Variants in TBC1D15 observed in about 807,000 individuals in gnomAD.
TBC1D15 encodes the protein TBC1 domain family member 15, also known as GAP for RAB7.
In TBC1D15, 39 loss-of-function variants were observed where a neutral mutation model predicts 95.4. The observed-to-expected ratio is 0.41, with a 90% confidence interval of 0.32 to 0.53. The LOEUF is 0.53. Among genes scored for constraint, TBC1D15 ranks in the 20% least tolerant of loss-of-function variants. The pLI is 0.29. For missense variants in TBC1D15, 733 were observed against 794.3 expected (o/e 0.92, Z 0.93); for synonymous variants, 258 against 261.3 (o/e 0.99, Z 0.12).
chr12:71,843,593 G>C (rs1028050784), intron 1 of TBC1D15, among the ~76,000 whole-genome samples: 1 of 152,002 alleles, frequency 6.6e-6, no homozygotes, highest in Non-Finnish European at 1.5e-5. Context: ...TACCTCCTAT[G>C]TGCTGAGTTC....
chr12:71,850,125 C>T, intron 1 of TBC1D15: 2 of 528,128 alleles, frequency 3.8e-6, no homozygotes, highest in South Asian at 3.3e-5. Flanking sequence ...TCTCAGCTTT[C>T]AAATACTCCA....
intron 14 of TBC1D15, among the ~76,000 whole-genome samples, chr12:71,920,247 A>G (rs567630790): frequency 7.2e-5 from 11 of 152,308 alleles, no homozygotes; most frequent in South Asian, 4.1e-4. Flanking sequence ...AAAATGTGAT[A>G]CAAGGGTTTT....
intron 14 of TBC1D15, among the ~76,000 whole-genome samples, chr12:71,919,201 C>CTTTTTT (rs34109729): frequency 7.6e-6 from 1 of 131,470 alleles, no homozygotes; most frequent in Non-Finnish European, 1.6e-5. Context: ...AATCAGTGTG[C>CTTTTTT]TTTTTTTTTT....
Position 71,872,237 on chromosome 12 carries a change from AGAAAGTTT to A in TBC1D15, c.129+73_129+80del, listed in dbSNP as rs1246115378. On this transcript the variant is annotated intron_variant, in intron 2 of 16. Coordinates refer to ENST00000485960, the MANE Select transcript of TBC1D15 (RefSeq NM_001146213.3). ...AGTGATTCATCTTTGGAGAATTATC[AGAAAGTTT>A]GAATTTCATGTGTAAGATACAATTA... 3.3e-6 allele frequency: 3 copies of A among 917,686 alleles called. No homozygotes were observed. The African/African-American group carries it at 5.2e-5, about 16-fold the overall frequency. 56.8% of individuals were successfully genotyped at this position (917,686 alleles called of 1,614,324 possible). A position where few individuals can be genotyped will look rare whatever the true frequency, so the allele number is the denominator to read the frequency against.
At chr12:71,874,136 G>T (rs1893265104) in intron 3 of TBC1D15, among the ~76,000 whole-genome samples, 1 of 152,090 alleles carries the variant, frequency 6.6e-6, no homozygotes, top group Non-Finnish European at 1.5e-5. Flanking sequence ...CATTAGGTTG[G>T]TGCAAAGGTA....
intron 1 of TBC1D15, among the ~76,000 whole-genome samples, chr12:71,841,768 G>C (rs1885068174): frequency 6.6e-6 from 1 of 151,994 alleles, no homozygotes; most frequent in African/African-American, 2.4e-5. Context: ...ACCACCACTG[G>C]AGTTATTTTT....
chr12:71,920,777 G>C lies in TBC1D15; in HGVS notation c.1646G>C (p.Cys549Ser), dbSNP rs376818317. The change falls in exon 15 of 17, where the codon TGT (cysteine) becomes TCT (serine). Residue 549 changes from cysteine to serine, a missense_variant. Coordinates refer to ENST00000485960, the MANE Select transcript of TBC1D15 (RefSeq NM_001146213.3). The stretch of plus-strand genomic sequence containing the variant: ...TGTACAAATTTCCATCTTCTTCTCT[G>C]TTGTGCTATTCTGGAATCAGAAAAG... ...LPCTNFHLLL[C>S]CAILESEKQQ... is the part of the protein sequence containing the mutation. 121 of 1,612,910 alleles carry C rather than the reference G, an allele frequency of 7.5e-5. No individual in the cohort carries two copies. The highest frequency in any genetic ancestry group is 1.6e-4 in the Middle Eastern group (1 of 6,078).
In TBC1D15 at chr12:71,896,043, G is replaced by A. The variant is rs1262229147; in HGVS notation, c.952G>A (p.Val318Ile). ...NIDSEGRILN[V>I]DNMKQMIFRG... ...TGATTCTGAAGGAAGAATTTTAAAT[G>A]TAGATAATATGAAGCAGATGATATT... is the stretch of plus-strand genomic sequence containing the variant. The change falls in exon 8 of 17, where the codon GTA (valine) becomes ATA (isoleucine). Residue 318 changes from valine (V) to isoleucine (I), a missense_variant. Transcript: ENST00000485960. 6.2e-7 allele frequency: 1 copy of A among 1,611,386 alleles called. No individual in the cohort carries two copies. The highest frequency in any genetic ancestry group is 8.5e-7 in the Non-Finnish European group (1 of 1,177,972).
At chr12:71,872,015 G>A (rs1892809476) in intron 1 of TBC1D15, 55 bp from the exon 2 acceptor site, 3 of 753,438 alleles carry the variant, frequency 4.0e-6, no homozygotes, top group Non-Finnish European at 6.1e-6. Context: ...ATTTTAACAT[G>A]TTAAAATAGT....
chr12:71,894,906 A>T, intron 7 of TBC1D15, 23 bp downstream of exon 7: 1 of 1,590,626 alleles, frequency 6.3e-7, no homozygotes, highest in Non-Finnish European at 8.6e-7. Flanking sequence ...TAGTATTAAT[A>T]TAGCTCTTAT....
intron 1 of TBC1D15, among the ~76,000 whole-genome samples, chr12:71,859,669 G>T (rs534668822): frequency 6.6e-6 from 1 of 151,752 alleles, no homozygotes; most frequent in South Asian, 2.1e-4. Flanking sequence ...GTGTAGTGGC[G>T]TGATCTCAAC....
intron 5 of TBC1D15, among the ~76,000 whole-genome samples, chr12:71,889,749 A>T (rs1188122755): frequency 1.3e-5 from 2 of 152,122 alleles, no homozygotes; most frequent in Non-Finnish European, 2.9e-5. Context: ...GGTAGTAAGT[A>T]TAGTATCTGA....
In TBC1D15 at chr12:71,896,819, A is replaced by C. The variant is rs1016823506; in HGVS notation, c.1088+39A>C. 3.3e-6 allele frequency: 5 copies of C among 1,528,072 alleles called. No individual in the cohort carries two copies. In the African/African-American group the frequency reaches 6.9e-5, roughly 21 times the overall value. The allele number at this position is 1,528,072 out of a possible 1,614,324, so 94.7% of individuals were successfully genotyped here. ...TTTCGTACATTTATCAAAGAGATTC[A>C]AGTAACCCACTCATACAAATTAGTA... On this transcript the variant is annotated intron_variant, in intron 9 of 16. Transcript: ENST00000485960.
intron 15 of TBC1D15, 125 bp downstream of exon 15, chr12:71,920,972 G>C: frequency 1.5e-6 from 1 of 681,924 alleles, no homozygotes; most frequent in Non-Finnish European, 2.5e-6. Context: ...CAATAACAGT[G>C]CTAGGAATGA....
rs968155178 is a variant in TBC1D15 at position 71,916,542 on chromosome 12, AT to A, written c.1402-1148del. 7.5e-4 allele frequency among the ~76,000 whole-genome samples: 114 copies of A among 152,270 alleles called. 1 individual carries two copies. The highest frequency in any genetic ancestry group is 1.2e-3 in the African/African-American group (51 of 41,566). On this transcript the variant is annotated intron_variant, in intron 12 of 16. Coordinates refer to ENST00000485960, the MANE Select transcript of TBC1D15 (RefSeq NM_001146213.3). The stretch of plus-strand genomic sequence containing the variant: ...GCTTATTGAGAATTAATAGACTTAA[AT>A]TTTTTTTAAGAATGAATTGTTTCTA...
intron 1 of TBC1D15, chr12:71,850,057 A>G (rs1327421238): frequency 7.7e-6 from 4 of 520,754 alleles, no homozygotes; most frequent in Non-Finnish European, 1.1e-5. Flanking sequence ...TTCCCGGAAC[A>G]GCCATCGCTG....
chr12:71,916,781 G>A (rs1903810563), intron 12 of TBC1D15, among the ~76,000 whole-genome samples: 1 of 152,104 alleles, frequency 6.6e-6, no homozygotes, highest in Admixed American at 6.5e-5. Context: ...GGTGTTGGTA[G>A]GGAGTCTACT....
rs1462929870 is a variant in TBC1D15 at position 71,896,798 on chromosome 12, G to A, written c.1088+18G>A. The stretch of plus-strand genomic sequence containing the variant: ...CAAAAAACGTAAGTAATGGTCTTTC[G>A]TACATTTATCAAAGAGATTCAAGTA... On this transcript the variant is annotated intron_variant, in intron 9 of 16. Coordinates refer to ENST00000485960, the MANE Select transcript of TBC1D15 (RefSeq NM_001146213.3). The A allele has an allele frequency of 5.0e-6, 8 of 1,589,028 alleles. No individual in the cohort carries two copies. Among genetic ancestry groups the A allele is most frequent in the South Asian group, 1.1e-5 (1 of 89,212 alleles).
At chr12:71,874,545 A>G (rs951096085) in intron 3 of TBC1D15, among the ~76,000 whole-genome samples, 7 of 151,724 alleles carry the variant, frequency 4.6e-5, no homozygotes, top group Admixed American at 1.3e-4. Flanking sequence ...ACCCATGGCT[A>G]TGGAGGGCCA....
Sources: allele counts gnomAD v4.1 joint callset (sites outside exome capture counted in the v4.1 genomes callset), GRCh38; gene constraint gnomAD v4.1.1; transcripts MANE v1.5; gene names NCBI Gene and HGNC (gene_info 2026-07-23, HGNC 2026-07-21).